The following COL25A1 variants were observed in gnomAD, a reference collection of about 807,000 sequenced individuals.
COL25A1 encodes the protein collagen alpha-1(XXV) chain.
In COL25A1, 103 loss-of-function variants were observed where a neutral mutation model predicts 128.4. That is an observed-to-expected ratio of 0.80 (90% CI 0.68 to 0.94). The LOEUF (loss-of-function observed/expected upper bound fraction) is 0.94, where lower values mean the gene tolerates loss of function less well. Ranked by LOEUF, COL25A1 falls within the 40% of genes least tolerant of loss-of-function variation. COL25A1 has a pLI of 0.00. For synonymous variants in COL25A1, 279 were observed against 277.2 expected (o/e 1.01, Z -0.06); for missense variants, 745 against 840.0 (o/e 0.89, Z 1.40).
At chr4:108,938,822 T>C (rs377350702) in intron 10 of COL25A1, among the ~76,000 whole-genome samples, 1 of 151,548 alleles carries the variant, frequency 6.6e-6, no homozygotes, top group Non-Finnish European at 1.5e-5. Flanking sequence ...ACACCACTGC[T>C]CTCCAGCCTG....
chr4:108,823,799 C>A, intron 35 of COL25A1: 1 of 611,740 alleles, frequency 1.6e-6, no homozygotes, highest in Non-Finnish European at 2.3e-6. Context: ...AAGTGAGATG[C>A]TGCCTTTGCA....
At position 109,115,406 on chromosome 4, in the gene COL25A1, T is replaced by A. The variant is rs188896533; in HGVS notation, c.368-65227A>T. Among the ~76,000 whole-genome samples, 1,098 of 152,172 alleles carry A rather than the reference T, an allele frequency of 7.2e-3. 3 individuals carry two copies. The highest frequency in any genetic ancestry group is 0.018 in the South Asian group (87 of 4,828). On this transcript the variant is annotated intron_variant, in intron 3 of 37. Coordinates refer to ENST00000399132, the MANE Select transcript of COL25A1 (RefSeq NM_198721.4). ...TGGGAGCAGGTAAAGAGTCAAAATG[T>A]AGGTTTTTGAAGAGCTCTGTCCAAA...
intron 3 of COL25A1, among the ~76,000 whole-genome samples, chr4:109,175,242 A>G (rs915200568): frequency 1.3e-5 from 2 of 152,224 alleles, no homozygotes; most frequent in Non-Finnish European, 1.5e-5. Context: ...GTCATAAAAA[A>G]TGACATCGAG....
intron 3 of COL25A1, among the ~76,000 whole-genome samples, chr4:109,134,825 C>T (rs1769556939): frequency 6.6e-6 from 1 of 151,898 alleles, no homozygotes; most frequent in Non-Finnish European, 1.5e-5. Context: ...ACAAGTCAGA[C>T]TTGGAGAAAA....
intron 26 of COL25A1, 145 bp downstream of exon 26, chr4:108,852,091 A>G (rs1735851324): frequency 1.7e-6 from 1 of 572,420 alleles, no homozygotes; most frequent in Admixed American, 3.7e-5. Flanking sequence ...CCAGACCTCA[A>G]TTTCTTTTCT....
chr4:109,213,532 G>A (rs2126200043), intron 3 of COL25A1, among the ~76,000 whole-genome samples: 1 of 152,290 alleles, frequency 6.6e-6, no homozygotes. Flanking sequence ...GGAGGACCAT[G>A]TGGGGAGGAA....
intron 26 of COL25A1, among the ~76,000 whole-genome samples, chr4:108,849,154 TTC>T (rs1735466393): frequency 6.6e-6 from 1 of 152,174 alleles, no homozygotes; most frequent in African/African-American, 2.4e-5. Flanking sequence ...GTTAATTTTT[TTC>T]TCCATACAAC....
chr4:109,008,755 G>GCACA (rs755296346), intron 6 of COL25A1, among the ~76,000 whole-genome samples: 9 of 41,068 alleles, frequency 2.2e-4, no homozygotes, highest in Non-Finnish European at 3.2e-4. Flanking sequence ...ACATGCGCGC[G>GCACA]CACACACACA....
chr4:109,299,166 C>T (rs1278600756), intron 3 of COL25A1, among the ~76,000 whole-genome samples: 1 of 151,984 alleles, frequency 6.6e-6, no homozygotes, highest in East Asian at 1.9e-4. Context: ...ATATTGTATA[C>T]AAAAAAATGC....
At chr4:109,110,549 G>A (rs1766899805) in intron 3 of COL25A1, among the ~76,000 whole-genome samples, 2 of 151,994 alleles carry the variant, frequency 1.3e-5, no homozygotes, top group African/African-American at 4.8e-5. Context: ...TATCACTCCT[G>A]ATCTCGAGGT....
intron 5 of COL25A1, among the ~76,000 whole-genome samples, chr4:109,035,661 T>G (rs994933056): frequency 4.6e-5 from 7 of 152,086 alleles, no homozygotes; most frequent in Admixed American, 3.3e-4. Flanking sequence ...AGGAAGAGGT[T>G]TCCCAATCCA....
chr4:109,165,412 CA>C (rs1772978566), intron 3 of COL25A1, among the ~76,000 whole-genome samples: 1 of 152,144 alleles, frequency 6.6e-6, no homozygotes, highest in Non-Finnish European at 1.5e-5. Context: ...GGACACTGTC[CA>C]TTGTTTAAAA....
intron 30 of COL25A1, among the ~76,000 whole-genome samples, chr4:108,843,608 A>G (rs1428658895): frequency 6.6e-6 from 1 of 152,196 alleles, no homozygotes; most frequent in East Asian, 1.9e-4. Flanking sequence ...CCACTGCAAG[A>G]CACCTGCAGT....
intron 3 of COL25A1, among the ~76,000 whole-genome samples, chr4:109,202,032 G>A (rs201960176): frequency 1.3e-5 from 2 of 152,210 alleles, no homozygotes; most frequent in East Asian, 3.9e-4. Flanking sequence ...ATATCCTTAA[G>A]AAGTCAGTTC....
At chr4:109,202,482 T>C (rs1362230010) in intron 3 of COL25A1, among the ~76,000 whole-genome samples, 1 of 151,636 alleles carries the variant, frequency 6.6e-6, no homozygotes, top group East Asian at 1.9e-4. Flanking sequence ...ATAACTGACC[T>C]GAATGCAAAA....
At chr4:109,113,028 G>A (rs1471624717) in intron 3 of COL25A1, among the ~76,000 whole-genome samples, 2 of 152,112 alleles carry the variant, frequency 1.3e-5, no homozygotes, top group African/African-American at 4.8e-5. Context: ...AGCAGCGGTG[G>A]CAGTACATAG....
intron 3 of COL25A1, among the ~76,000 whole-genome samples, chr4:109,228,613 G>A (rs79183721): frequency 0.023 from 3,464 of 152,148 alleles, 112 homozygotes; most frequent in African/African-American, 0.071. Context: ...CTCAACATTC[G>A]GGATTATGGT....
At chr4:109,119,062 A>G (rs907687762) in intron 3 of COL25A1, among the ~76,000 whole-genome samples, 2 of 151,648 alleles carry the variant, frequency 1.3e-5, no homozygotes, top group Admixed American at 1.3e-4. Flanking sequence ...AAAACAGCTA[A>G]AACATCCCAA....
intron 3 of COL25A1, among the ~76,000 whole-genome samples, chr4:109,137,514 C>A (rs912793180): frequency 2.0e-5 from 3 of 152,164 alleles, no homozygotes; most frequent in Admixed American, 1.3e-4. Flanking sequence ...TCATCTCCAA[C>A]CTGGACCACT....
Sources: gnomAD v4.1 joint callset for allele counts (sites outside exome capture counted in the v4.1 genomes callset) on GRCh38, gnomAD v4.1.1 for gene constraint, MANE v1.5 for transcripts, NCBI Gene and HGNC (gene_info 2026-07-23, HGNC 2026-07-21) for gene names.